The following APBB2 variants were observed in gnomAD, a reference collection of about 807,000 sequenced individuals.
The protein encoded by APBB2 is amyloid beta precursor protein binding family B member 2, also known as Fe65-like 1.
A neutral mutation model predicts 82.5 loss-of-function variants in APBB2; 38 were observed. The observed-to-expected ratio is 0.46, with a 90% CI of 0.36 to 0.60. The LOEUF (loss-of-function observed/expected upper bound fraction) is 0.60. Among genes scored for constraint, APBB2 ranks in the 20% least tolerant of loss-of-function variants. The pLI is 0.00. For synonymous variants in APBB2, 341 were observed against 368.2 expected (o/e 0.93, Z 0.85); for missense variants, 772 against 972.3 (o/e 0.79, Z 2.74).
At chr4:41,033,662 T>A (rs1678419789) in intron 4 of APBB2, among the ~76,000 whole-genome samples, 2 of 150,088 alleles carry the variant, frequency 1.3e-5, no homozygotes, top group Admixed American at 1.3e-4. Flanking sequence ...TGGTACATTT[T>A]GCCACGTAAA....
At chr4:41,082,504 G>A (rs1376314404) in intron 3 of APBB2, among the ~76,000 whole-genome samples, 2 of 151,854 alleles carry the variant, frequency 1.3e-5, no homozygotes, top group African/African-American at 4.8e-5. Flanking sequence ...GAATTTATTT[G>A]AATATAAAGA....
intron 7 of APBB2, among the ~76,000 whole-genome samples, chr4:40,940,775 C>T (rs2154378484): frequency 6.6e-6 from 1 of 152,286 alleles, no homozygotes; most frequent in East Asian, 1.9e-4. Flanking sequence ...ACCAAAACAC[C>T]TTCATTTGAA....
intron 6 of APBB2, among the ~76,000 whole-genome samples, chr4:40,961,122 T>C (rs1259246311): frequency 6.6e-6 from 1 of 152,182 alleles, no homozygotes; most frequent in Non-Finnish European, 1.5e-5. Context: ...ATTAGTGGAC[T>C]GCTACTGCCA....
Position 40,826,998 on chromosome 4 carries a change from G to C in APBB2, c.1732+134C>G, listed in dbSNP as rs553797372. 1.3e-6 allele frequency: 1 copy of C among 764,732 alleles called. No individual in the cohort carries two copies. Among genetic ancestry groups the C allele is most frequent in the Non-Finnish European group, 2.2e-6 (1 of 456,948 alleles). 47.4% of individuals were successfully genotyped at this position (764,732 alleles called of 1,614,324 possible). ...GTGCCTCTGTGAGACCCAGCGTGCA[G>C]GCTCAACTTGTGCTTACTGAGTTGA... On this transcript the variant is annotated intron_variant, in intron 14 of 17. Transcript: ENST00000508593. This position sits in a 1 kb window ranked among gnomAD's most constrained non-coding sequence, Gnocchi z 4.5.
chr4:40,986,043 A>C (rs1376581037), intron 6 of APBB2, among the ~76,000 whole-genome samples: 2 of 152,238 alleles, frequency 1.3e-5, no homozygotes, highest in South Asian at 2.1e-4. Context: ...AAAACCTTTA[A>C]GCTCCACAGA....
chr4:40,857,160 A>T (rs898190670), intron 12 of APBB2: 382 of 985,396 alleles, frequency 3.9e-4, no homozygotes, highest in Non-Finnish European at 4.4e-4. Context: ...CAAGTTGAAG[A>T]GAGCGGCGCC....
At position 41,066,847 on chromosome 4, in the gene APBB2, G is replaced by C. The variant is rs979798609; in HGVS notation, c.-148-1174C>G. 7.9e-5 allele frequency among the ~76,000 whole-genome samples: 12 copies of C among 152,164 alleles called. 1 individual carries two copies. Reference sequence around the variant, plus strand: ...AACAGCCACTGATGGGTCAGATCTGGGTTTTGGATGCATGATTCTCTGGGT... The same window carrying C: ...AACAGCCACTGATGGGTCAGATCTGCGTTTTGGATGCATGATTCTCTGGGT... On this transcript the variant is annotated intron_variant, in intron 3 of 17. Transcript: ENST00000508593.
chr4:41,067,323 C>T (rs1446763243), intron 3 of APBB2, among the ~76,000 whole-genome samples: 1 of 151,776 alleles, frequency 6.6e-6, no homozygotes, highest in South Asian at 2.1e-4. Flanking sequence ...GCAGGAAAAT[C>T]GCTTGAACCT....
At chr4:40,913,682 C>T (rs1428907996) in intron 10 of APBB2, among the ~76,000 whole-genome samples, 1 of 152,184 alleles carries the variant, frequency 6.6e-6, no homozygotes, top group Admixed American at 6.5e-5. Flanking sequence ...AAGTGACATT[C>T]CCCTATCTTG....
At chr4:40,894,543 A>G (rs1773119211) in intron 10 of APBB2, among the ~76,000 whole-genome samples, 1 of 152,228 alleles carries the variant, frequency 6.6e-6, no homozygotes, top group African/African-American at 2.4e-5. Flanking sequence ...AAACAAGGAA[A>G]AAAAGTATCC....
At chr4:41,094,158 C>G (rs1742719883) in intron 3 of APBB2, among the ~76,000 whole-genome samples, 1 of 151,928 alleles carries the variant, frequency 6.6e-6, no homozygotes, top group Non-Finnish European at 1.5e-5. Flanking sequence ...GACCATTGGC[C>G]CAAGGGGCTC....
Position 40,935,098 on chromosome 4 carries a change from C to A in APBB2, c.1086G>T (p.Lys362Asn). The A allele has an allele frequency of 6.5e-7, 1 of 1,535,940 alleles. No individual in the cohort carries two copies. Among genetic ancestry groups the A allele is most frequent in the Non-Finnish European group, 8.7e-7 (1 of 1,145,958 alleles). Residue 362 changes from lysine (K) to asparagine (N), a missense_variant, in exon 8 of 18, where the codon AAG becomes AAT. Transcript: ENST00000508593. ...TTGCCTTCCAAATGTCACTATTAAT[C>A]TTTCCCCCATTCAGAACAGCAAAAT... ...WSDFAVLNGG[K>N]INSDIWKDLH...
chr4:40,885,297 G>A (rs1769893219), intron 12 of APBB2, among the ~76,000 whole-genome samples: 1 of 152,324 alleles, frequency 6.6e-6, no homozygotes, highest in Non-Finnish European at 1.5e-5. Context: ...GCCCATTAAA[G>A]GGAAGAAAGT....
At chr4:41,165,967 G>A (rs548137444) in intron 1 of APBB2, among the ~76,000 whole-genome samples, 10 of 147,636 alleles carry the variant, frequency 6.8e-5, no homozygotes, top group East Asian at 4.2e-4. Context: ...TCCGCCTCCC[G>A]GGTTCACGCC....
At chr4:41,045,192 T>C (rs1259634327) in intron 4 of APBB2, among the ~76,000 whole-genome samples, 1 of 152,214 alleles carries the variant, frequency 6.6e-6, no homozygotes, top group Non-Finnish European at 1.5e-5. Flanking sequence ...CTCTGAGTTT[T>C]GCTAATTCAG....
intron 2 of APBB2, among the ~76,000 whole-genome samples, chr4:41,130,623 T>G (rs1755698140): frequency 1.3e-5 from 2 of 152,110 alleles, no homozygotes; most frequent in African/African-American, 4.8e-5. Context: ...CTTTCCTTTC[T>G]AACTACATCT....
At chr4:41,025,552 T>A (rs190096632) in intron 5 of APBB2, among the ~76,000 whole-genome samples, 1 of 152,058 alleles carries the variant, frequency 6.6e-6, no homozygotes, top group African/African-American at 2.4e-5. Flanking sequence ...TGGACATGAA[T>A]GTTCACTGCA....
At chr4:40,908,310 G>A (rs920395776) in intron 10 of APBB2, among the ~76,000 whole-genome samples, 1 of 152,124 alleles carries the variant, frequency 6.6e-6, no homozygotes, top group Non-Finnish European at 1.5e-5. Flanking sequence ...CTCGTCTGTG[G>A]TATTTTGTTA....
intron 1 of APBB2, among the ~76,000 whole-genome samples, chr4:41,183,364 G>T (rs1771964128): frequency 6.6e-6 from 1 of 152,132 alleles, no homozygotes; most frequent in Non-Finnish European, 1.5e-5. Context: ...ACCTGTTACA[G>T]GTTGAACTGT....
Sources: gnomAD v4.1 joint callset for allele counts (sites outside exome capture counted in the v4.1 genomes callset) on GRCh38, gnomAD v4.1.1 for gene constraint, Gnocchi (gnomAD v3.1) non-coding constraint, MANE v1.5 for transcripts, NCBI Gene and HGNC (gene_info 2026-07-23, HGNC 2026-07-21) for gene names.